Variants in HSD3B7 observed in about 807,000 individuals in gnomAD.
HSD3B7 encodes 3 beta-hydroxysteroid dehydrogenase type 7.
HSD3B7 carries 35 observed loss-of-function variants against 34.3 expected under a neutral mutation model. That is an observed-to-expected ratio of 1.02 (90% confidence interval 0.78 to 1.35). The LOEUF (loss-of-function observed/expected upper bound fraction) is 1.35. HSD3B7 is among the 40% of genes most tolerant of loss of function. The pLI, the probability that HSD3B7 is intolerant of heterozygous loss-of-function variation, is 0.00. For synonymous variants in HSD3B7, 217 were observed against 220.1 expected, an observed-to-expected ratio of 0.99 and a Z score of 0.13; for missense variants, 426 against 504.7, an observed-to-expected ratio of 0.84 and a Z score of 1.49.
At chr16:30,986,335 T>A in intron 3 of HSD3B7, 88 bp from the exon 4 acceptor site, 1 of 1,562,718 alleles carries the variant, frequency 6.4e-7, no homozygotes, top group Non-Finnish European at 8.8e-7. Flanking sequence ...CCCTGACCTG[T>A]CATGGTTTTC....
rs2056501674 is a variant in HSD3B7, at chr16:30,987,579, C to G, written c.695-189C>G. On this transcript the variant is annotated intron_variant, in intron 6 of 6. Transcript: ENST00000297679. ...CTCTATCCTCTCCCCAGGTTCTTTG[C>G]AGATGCAGGCTGGCCCAGGAGAGCA... 4.5e-6 allele frequency: 3 copies of G among 664,750 alleles called. No homozygotes were observed. In the East Asian group the frequency reaches 8.1e-5, roughly 18 times the overall value. The allele number at this position is 664,750 out of a possible 1,614,324, so 41.2% of individuals were successfully genotyped here.
rs1284066429 is a variant in HSD3B7, at chr16:30,986,717, A to T, written c.531+13A>T. 6.2e-7 allele frequency: 1 copy of T among 1,613,602 alleles called. No homozygotes were observed. The highest frequency in any genetic ancestry group is 1.7e-5 in the Admixed American group (1 of 60,028). ...CAACGGGAGGAAGGTGAGCCCAGAA[A>T]AAGGAGGCGCAGAGATGGGGCTCCT... On this transcript the variant is annotated intron_variant, in intron 5 of 6. Coordinates refer to ENST00000297679, the MANE Select transcript of HSD3B7 (RefSeq NM_025193.4).
rs2056513206 is a variant in HSD3B7 at position 30,988,051 on chromosome 16, G to A, written c.978G>A (p.Val326=). The change falls in exon 7 of 7, where the codon GTG becomes GTA. Residue 326 remains valine (V), a synonymous_variant. Transcript: ENST00000297679. ...TGCTGAACCCCTACACGCTGGCCGT[G>A]GCCAACACCACCTTCACCGTCAGCA... is the stretch of plus-strand genomic sequence containing the variant. The part of the protein sequence containing the change: ...APLLNPYTLA[V]ANTTFTVSTD... 2.5e-6 allele frequency: 4 copies of A among 1,606,744 alleles called. No individual in the cohort carries two copies. Among genetic ancestry groups the A allele is most frequent in the Admixed American group, 1.7e-5 (1 of 59,996 alleles).
rs1341721504 is a variant in HSD3B7 at position 30,987,900 on chromosome 16, T to C, written c.827T>C (p.Leu276Pro). The change falls in exon 7 of 7, where the codon CTG becomes CCG. Residue 276 changes from leucine to proline, a missense_variant. Leu to Pro is a moderately conservative substitution (Grantham distance 98). Transcript: ENST00000297679. ...TACGAGGATTTCAACATGGAGTTCC[T>C]GGGCCCCTGCGGACTGCGGCTGGTG... ...RSYEDFNMEF[L>P]GPCGLRLVGA... is the part of the protein sequence containing the mutation. 1.2e-6 allele frequency: 2 copies of C among 1,613,858 alleles called. No homozygotes were observed. The highest frequency in any genetic ancestry group is 2.7e-5 in the African/African-American group (2 of 74,936).
rs150782540 is a variant in HSD3B7, at chr16:30,987,592, G to A, written c.695-176G>A. ...CCAGGTTCTTTGCAGATGCAGGCTG[G>A]CCCAGGAGAGCAAGTGACTACCAGG... On this transcript the variant is annotated intron_variant, in intron 6 of 6. Coordinates refer to ENST00000297679, the MANE Select transcript of HSD3B7 (RefSeq NM_025193.4). 1,123 of 711,154 alleles carry A rather than the reference G, an allele frequency of 1.6e-3. 7 individuals are homozygous for A. Among genetic ancestry groups the A allele is most frequent in the Middle Eastern group, 0.012 (31 of 2,560 alleles). The allele number at this position is 711,154 out of a possible 1,614,324, so 44.1% of individuals were successfully genotyped here. A position where few individuals can be genotyped will look rare whatever the true frequency, so the allele number is the denominator to read the frequency against.
In HSD3B7 at chr16:30,985,225, G is replaced by C. The variant is rs1002672275; in HGVS notation, c.-79G>C. ...AGGAGCCAGCGGAAGGACGGTGTGC[G>C]GGCCGGCCAGCCCTGGACGAAAGAA... On this transcript the variant is annotated 5_prime_UTR_variant, in exon 1 of 7. Coordinates refer to ENST00000297679, the MANE Select transcript of HSD3B7 (RefSeq NM_025193.4). 1 of 1,088,048 alleles carries C rather than the reference G, an allele frequency of 9.2e-7. No individual in the cohort carries two copies. The highest frequency in any genetic ancestry group is 1.1e-6 in the Non-Finnish European group (1 of 889,258). The allele number at this position is 1,088,048 out of a possible 1,614,324, so 67.4% of individuals were successfully genotyped here.
chr16:30,985,548 C>T, intron 1 of HSD3B7, 105 bp from the exon 2 acceptor site: 1 of 1,531,952 alleles, frequency 6.5e-7, no homozygotes, highest in African/African-American at 1.4e-5. Context: ...CTCTGCCCTC[C>T]CCGCAAACGC....
At chr16:30,987,624 G>A in intron 6 of HSD3B7, 144 bp from the exon 7 acceptor site, 1 of 913,262 alleles carries the variant, frequency 1.1e-6, no homozygotes, top group Admixed American at 1.8e-5. Context: ...CAGGGCGAGG[G>A]AGAAGGCAGC....
intron 6 of HSD3B7, 82 bp from the exon 7 acceptor site, chr16:30,987,686 G>C (rs868507224): frequency 1.3e-5 from 20 of 1,510,416 alleles, no homozygotes; most frequent in Non-Finnish European, 1.8e-5. Flanking sequence ...GGCCCAAAGA[G>C]GGGGTGGCCC....
In HSD3B7 at chr16:30,987,871, G is replaced by GTGA. The variant is rs1274737307; in HGVS notation, c.798_799insTGA (p.Arg266_Ser267insTer). 3 of 1,613,714 alleles carry GTGA rather than the reference G, an allele frequency of 1.9e-6. No individual in the cohort carries two copies. The African/African-American group carries it at 4.0e-5, about 22-fold the overall frequency. On this transcript the variant is annotated stop_gained and inframe_insertion, in exon 7 of 7. Coordinates refer to ENST00000297679, the MANE Select transcript of HSD3B7 (RefSeq NM_025193.4). LOFTEE classifies it high-confidence loss of function. ...TCTGCTACGATGGATCACCCTACAG[G>GTGA]AGCTACGAGGATTTCAACATGGAGT...
Position 30,987,906 on chromosome 16 carries a change from C to G in HSD3B7, c.833C>G (p.Pro278Arg). Residue 278 changes from proline to arginine, a missense_variant, in exon 7 of 7, where the codon CCC (proline) becomes CGC (arginine). Pro to Arg is a moderately radical substitution (Grantham distance 103). Transcript: ENST00000297679. ...GATTTCAACATGGAGTTCCTGGGCCCCTGCGGACTGCGGCTGGTGGGCGCC... is the reference window on the plus strand; with the variant it reads ...GATTTCAACATGGAGTTCCTGGGCCGCTGCGGACTGCGGCTGGTGGGCGCC... The part of the protein sequence containing the change: ...YEDFNMEFLG[P>R]CGLRLVGARP... 1 of 1,613,946 alleles carries G rather than the reference C, an allele frequency of 6.2e-7. No homozygotes were observed. The highest frequency in any genetic ancestry group is 1.7e-5 in the Admixed American group (1 of 60,028).
At chr16:30,987,374 G>A (rs1471657410) in intron 6 of HSD3B7, 5 of 416,574 alleles carry the variant, frequency 1.2e-5, no homozygotes, top group Non-Finnish European at 1.8e-5. Context: ...CTGAGCCCAG[G>A]AGTTGGAGGC....
Position 30,986,696 on chromosome 16 carries a change from G to A in HSD3B7, c.523G>A (p.Gly175Arg), listed in dbSNP as rs370554987. The A allele has an allele frequency of 1.1e-5, 17 of 1,613,894 alleles. No individual in the cohort carries two copies. The highest frequency in any genetic ancestry group is 3.3e-5 in the South Asian group (3 of 91,086). ...LAEWLVLEAN[G>R]RKVRGGLPLV... ...CGAGTGGCTGGTCCTGGAGGCCAAC[G>A]GGAGGAAGGTGAGCCCAGAAAAAGG... The change falls in exon 5 of 7, where the codon GGG (glycine) becomes AGG (arginine). Residue 175 changes from glycine to arginine, a missense_variant. Physicochemically the swap from Gly to Arg is moderately radical, Grantham distance 125 (BLOSUM62 -2). Coordinates refer to ENST00000297679, the MANE Select transcript of HSD3B7 (RefSeq NM_025193.4).
chr16:30,987,930 C>T lies in HSD3B7; in HGVS notation c.857C>T (p.Ala286Val). ...LGPCGLRLVG[A>V]RPLLPYWLLV... The stretch of plus-strand genomic sequence containing the variant: ...CCCTGCGGACTGCGGCTGGTGGGCG[C>T]CCGCCCATTGCTGCCCTACTGGCTG... The change falls in exon 7 of 7, where the codon GCC (alanine) becomes GTC (valine). Residue 286 changes from alanine (A) to valine (V), a missense_variant. Physicochemically the swap from Ala to Val is moderately conservative, Grantham distance 64. Coordinates refer to ENST00000297679, the MANE Select transcript of HSD3B7 (RefSeq NM_025193.4). The T allele has an allele frequency of 1.2e-6, 2 of 1,613,416 alleles. No individual in the cohort carries two copies. Among genetic ancestry groups the T allele is most frequent in the South Asian group, 1.1e-5 (1 of 91,090 alleles).
chr16:30,987,703 G>A, intron 6 of HSD3B7, 65 bp from the exon 7 acceptor site: 1 of 1,580,170 alleles, frequency 6.3e-7, no homozygotes, highest in Non-Finnish European at 8.6e-7. Context: ...GCCCAGGAGA[G>A]CAGCCTCGAT....
At position 30,987,804 on chromosome 16, in the gene HSD3B7, A is replaced by G; in HGVS notation, c.731A>G (p.Glu244Gly). The change falls in exon 7 of 7, where the codon GAG becomes GGG. Residue 244 changes from glutamate to glycine, a missense_variant. Glu to Gly is a moderately conservative substitution (Grantham distance 98). Coordinates refer to ENST00000297679, the MANE Select transcript of HSD3B7 (RefSeq NM_025193.4). ...TGGATGCACGTGCTGGCAGCCCGGGAGCTGGAGCAGCGGGCAACCCTGATG... is the reference window on the plus strand; with the variant it reads ...TGGATGCACGTGCTGGCAGCCCGGGGGCTGGAGCAGCGGGCAACCCTGATG... ...VAWMHVLAAR[E>G]LEQRATLMGG... The G allele has an allele frequency of 1.2e-6, 2 of 1,613,054 alleles. No homozygotes were observed. Among genetic ancestry groups the G allele is most frequent in the Non-Finnish European group, 1.7e-6 (2 of 1,179,952 alleles).
rs773602173 is a variant in HSD3B7 at position 30,986,117 on chromosome 16, G to A, written c.235G>A (p.Gly79Arg). The A allele has an allele frequency of 1.2e-5, 20 of 1,613,864 alleles. No individual in the cohort carries two copies. Among genetic ancestry groups the A allele is most frequent in the Middle Eastern group, 1.7e-4 (1 of 6,056 alleles). Residue 79 changes from glycine to arginine, a missense_variant, in exon 3 of 7, where the codon GGA becomes AGA. Physicochemically the swap from Gly to Arg is moderately radical, Grantham distance 125. Transcript: ENST00000297679. The stretch of plus-strand genomic sequence containing the variant: ...CCATGAGGTGGCAGCAGCTGTGGCC[G>A]GAGCCCATGTGGTCATCCACACGGC... Reference protein sequence around the residue: ...QAHEVAAAVAGAHVVIHTAGL... With the variant: ...QAHEVAAAVARAHVVIHTAGL...
In HSD3B7 at chr16:30,985,764, C is replaced by G. The variant is rs752025581; in HGVS notation, c.106C>G (p.Leu36Val). The G allele has an allele frequency of 6.2e-7, 1 of 1,604,736 alleles. No homozygotes were observed. The highest frequency in any genetic ancestry group is 1.1e-5 in the South Asian group (1 of 89,486). Residue 36 changes from leucine (L) to valine (V), a missense_variant, in exon 2 of 7, where the codon CTC becomes GTC. Coordinates refer to ENST00000297679, the MANE Select transcript of HSD3B7 (RefSeq NM_025193.4). ...AATGCTGCTGCAGCGGGAGCCCCGG[C>G]TCGGGGAGCTGCGGGTCTTTGACCA... ...VRMLLQREPR[L>V]GELRVFDQHL...
Position 30,987,757 on chromosome 16 carries a change from G to T in HSD3B7, c.695-11G>T. On this transcript the variant is annotated splice_polypyrimidine_tract_variant and intron_variant, in intron 6 of 6. Transcript: ENST00000297679. ...TCAGGGGTGTGTCCGCCTCTCTTCC[G>T]CCACCGGCAGGCAATGTTGCCTGGA... The T allele has an allele frequency of 6.2e-7, 1 of 1,610,150 alleles. No individual in the cohort carries two copies.
Sources: gnomAD v4.1 joint callset for allele counts on GRCh38, gnomAD v4.1.1 for gene constraint, MANE v1.5 for transcripts, NCBI Gene and HGNC (gene_info 2026-07-23, HGNC 2026-07-21) for gene names.